KIF3C: variants seen among roughly 807,000 people sequenced by gnomAD.
KIF3C encodes kinesin-like protein KIF3C.
Under a neutral mutation model 67.7 loss-of-function variants are expected in KIF3C, and 12 were observed. That is an observed-to-expected ratio of 0.18 (90% CI 0.11 to 0.29). KIF3C has a LOEUF of 0.29. Ranked by LOEUF, KIF3C falls within the 10% of genes least tolerant of loss-of-function variation. KIF3C has a pLI of 1.00. For missense variants in KIF3C, 789 were observed against 1,059.6 expected (o/e 0.74, Z 3.55); for synonymous variants, 393 against 426.2 (o/e 0.92, Z 0.96).
At chr2:25,930,750 G>A (rs1208570557) in intron 5 of KIF3C, among the ~76,000 whole-genome samples, 1 of 152,080 alleles carries the variant, frequency 6.6e-6, no homozygotes, top group Non-Finnish European at 1.5e-5. Flanking sequence ...TGTTGGTCAG[G>A]CTGGTCTCGA....
chr2:25,981,291 C>T lies in KIF3C; in HGVS notation c.627G>A (p.Met209Ile). 6.2e-7 allele frequency: 1 copy of T among 1,614,002 alleles called. No individual in the cohort carries two copies. Among genetic ancestry groups the T allele is most frequent in the Non-Finnish European group, 8.5e-7 (1 of 1,179,972 alleles). Residue 209 changes from methionine (M) to isoleucine (I), a missense_variant, in exon 1 of 8, where the codon ATG becomes ATA. By Grantham distance (10) the Met-to-Ile change is conservative (BLOSUM62 1). Around this residue, in one of 2 missense-constraint regions of KIF3C, gnomAD observed 648 missense variants for 807.8 expected, o/e 0.80. Transcript: ENST00000264712. The surrounding 1 kb of genome is among the most constrained non-coding windows in gnomAD (Gnocchi z 8.2). ...CATGGGAGCGGGAGCTGACCTCATT[C>T]ATGTGGGTGCTGCCCACAGCCCGGG... The part of the protein sequence containing the change: ...NQTRAVGSTH[M>I]NEVSSRSHAI...
intron 3 of KIF3C, 33 bp from the exon 4 acceptor site, chr2:25,954,418 T>A: frequency 1.3e-6 from 2 of 1,557,128 alleles, no homozygotes; most frequent in Non-Finnish European, 1.8e-6. Context: ...CAGAGGCTGC[T>A]TGGTGTGGCA....
chr2:25,943,006 A>G (rs374976190), intron 5 of KIF3C, among the ~76,000 whole-genome samples: 1 of 152,148 alleles, frequency 6.6e-6, no homozygotes, highest in East Asian at 1.9e-4. Flanking sequence ...ACTTCAGGTA[A>G]TTTCTTACAA....
At position 25,929,843 on chromosome 2, in the gene KIF3C, T is replaced by C. The variant is rs182159394; in HGVS notation, c.2115+112A>G. On this transcript the variant is annotated intron_variant, in intron 6 of 7. Transcript: ENST00000264712. ...GTTAACCAGGCTGGTCTCGAACTCC[T>C]GACCTCAGGTGATCCACCTGCCTCG... 2.3e-4 allele frequency: 169 copies of C among 746,074 alleles called. No individual in the cohort carries two copies. The East Asian group carries it at 4.0e-3, about 18-fold the overall frequency. 46.2% of individuals were successfully genotyped at this position (746,074 alleles called of 1,614,324 possible).
chr2:25,937,095 G>GCTGT (rs1663150209), intron 5 of KIF3C, among the ~76,000 whole-genome samples: 1 of 152,342 alleles, frequency 6.6e-6, no homozygotes, highest in East Asian at 1.9e-4. Context: ...ACACATGGCA[G>GCTGT]CTGTGATTAT....
intron 6 of KIF3C, 113 bp from the exon 7 acceptor site, chr2:25,929,590 G>T: frequency 1.2e-6 from 1 of 831,272 alleles, no homozygotes; most frequent in Non-Finnish European, 1.9e-6. Flanking sequence ...GGAAGCAGAG[G>T]CTGTGAGCAT....
At chr2:25,968,240 G>A (rs561493111) in intron 1 of KIF3C, among the ~76,000 whole-genome samples, 5 of 152,284 alleles carry the variant, frequency 3.3e-5, no homozygotes, top group South Asian at 2.1e-4. Flanking sequence ...CTGAGTCTCC[G>A]CCTTGGATGG....
chr2:25,939,403 A>C (rs1186113300), intron 5 of KIF3C, among the ~76,000 whole-genome samples: 1 of 151,940 alleles, frequency 6.6e-6, no homozygotes, highest in Non-Finnish European at 1.5e-5. Context: ...CCATCTGTCC[A>C]CCTTGTTCCA....
At chr2:25,954,099 G>T in intron 4 of KIF3C, 168 bp downstream of exon 4, 1 of 660,688 alleles carries the variant, frequency 1.5e-6, no homozygotes, top group Non-Finnish European at 2.7e-6. Flanking sequence ...GGCAGAGGAG[G>T]TAGAAGAAAC....
chr2:25,949,815 C>T (rs928189610), intron 5 of KIF3C, among the ~76,000 whole-genome samples: 1 of 151,104 alleles, frequency 6.6e-6, no homozygotes, highest in Non-Finnish European at 1.5e-5. Flanking sequence ...ACTAAAAATA[C>T]AAAAAATTAG....
chr2:25,954,191 G>T (rs766667174), intron 4 of KIF3C, 76 bp downstream of exon 4: 107 of 1,026,774 alleles, frequency 1.0e-4, no homozygotes, highest in Non-Finnish European at 1.6e-4. Flanking sequence ...GTCAGGATGA[G>T]GCCTTAGGGG....
chr2:25,929,226 C>G, intron 7 of KIF3C, 79 bp downstream of exon 7: 1 of 1,524,276 alleles, frequency 6.6e-7, no homozygotes, highest in Non-Finnish European at 9.0e-7. Context: ...ACCAGCAAAA[C>G]CCTCTTTAGC....
At chr2:25,934,825 C>T (rs796606364) in intron 5 of KIF3C, among the ~76,000 whole-genome samples, 2 of 151,926 alleles carry the variant, frequency 1.3e-5, no homozygotes, top group Non-Finnish European at 2.9e-5. Flanking sequence ...TTTGGGAGGC[C>T]GAGGTGGGAG....
chr2:25,979,071 C>T (rs562982442), intron 1 of KIF3C, among the ~76,000 whole-genome samples: 2 of 152,330 alleles, frequency 1.3e-5, no homozygotes, highest in African/African-American at 4.8e-5. Flanking sequence ...CTGGGCCCCC[C>T]TGCTCCCCAG....
intron 4 of KIF3C, among the ~76,000 whole-genome samples, chr2:25,953,585 C>T (rs1663703692): frequency 6.6e-6 from 1 of 151,956 alleles, no homozygotes; most frequent in Non-Finnish European, 1.5e-5. Context: ...TAGTCTCGAT[C>T]TCCTGACCTC....
intron 1 of KIF3C, among the ~76,000 whole-genome samples, chr2:25,973,115 G>A (rs1664321479): frequency 1.3e-5 from 2 of 152,196 alleles, no homozygotes; most frequent in South Asian, 4.1e-4. Context: ...GCCTTTAAGA[G>A]AAAGGGATTC....
chr2:25,947,298 G>A (rs1319496884), intron 5 of KIF3C, among the ~76,000 whole-genome samples: 2 of 152,024 alleles, frequency 1.3e-5, no homozygotes, highest in Non-Finnish European at 2.9e-5. Flanking sequence ...AGTTACTACA[G>A]GGGCCCGACG....
At chr2:25,964,403 T>G (rs1173802384) in intron 1 of KIF3C, among the ~76,000 whole-genome samples, 1 of 152,106 alleles carries the variant, frequency 6.6e-6, no homozygotes, top group Non-Finnish European at 1.5e-5. Flanking sequence ...AGGTGGTCTT[T>G]GTGGAGGCCT....
chr2:25,960,929 G>A (rs1371273202), intron 1 of KIF3C, among the ~76,000 whole-genome samples: 1 of 152,144 alleles, frequency 6.6e-6, no homozygotes, highest in Non-Finnish European at 1.5e-5. Context: ...GTGAGACCCT[G>A]TCTCAAAAAA....
Sources: allele counts gnomAD v4.1 joint callset (sites outside exome capture counted in the v4.1 genomes callset), GRCh38; gene constraint gnomAD v4.1.1; regional missense constraint gnomAD v4.1.1; non-coding constraint Gnocchi (gnomAD v3.1); transcripts MANE v1.5; gene names NCBI Gene and HGNC (gene_info 2026-07-23, HGNC 2026-07-21).